Variants in DGKK observed in about 807,000 individuals in gnomAD.
The protein encoded by DGKK is diacylglycerol kinase kappa, also known as 142 kDa diacylglycerol kinase.
A neutral mutation model predicts 92.2 loss-of-function variants in DGKK; 35 were observed. That is an observed-to-expected ratio of 0.38 (90% confidence interval 0.29 to 0.50). DGKK has a LOEUF of 0.50. Ranked by LOEUF, DGKK falls within the 20% of genes least tolerant of loss-of-function variation. The pLI, the probability that DGKK is intolerant of heterozygous loss-of-function variation, is 0.92. For missense variants in DGKK, 910 were observed against 992.2 expected (o/e 0.92, Z 1.11); for synonymous variants, 368 against 360.6 (o/e 1.02, Z -0.23).
intron 18 of DGKK, 131 bp from the exon 19 acceptor site, chrX:50,380,208 C>G: frequency 1.9e-6 from 1 of 514,982 alleles, no homozygotes; most frequent in Non-Finnish European, 3.3e-6. Context: ...TAAATGGCAA[C>G]TGGACAGCGG....
chrX:50,387,958 T>C (rs1924591719), intron 13 of DGKK, among the ~76,000 whole-genome samples: 1 of 112,406 alleles, frequency 8.9e-6, no homozygotes, highest in South Asian at 3.7e-4. Flanking sequence ...TTGGTCCAAC[T>C]TGGGTCAGGT....
chrX:50,433,955 A>G (rs782004837), intron 1 of DGKK, among the ~76,000 whole-genome samples: 19 of 111,522 alleles, frequency 1.7e-4, no homozygotes, highest in African/African-American at 6.2e-4. Flanking sequence ...CATCGCATAA[A>G]AAGTGACAAA....
chrX:50,390,683 A>G (rs12012084), intron 11 of DGKK, among the ~76,000 whole-genome samples: 4,065 of 111,347 alleles, frequency 0.037, 180 homozygotes, highest in African/African-American at 0.13. Context: ...GTAACCATCA[A>G]GATCATCTGA....
chrX:50,370,143 C>T (rs1358779377), intron 27 of DGKK, among the ~76,000 whole-genome samples: 2 of 112,052 alleles, frequency 1.8e-5, no homozygotes, highest in Non-Finnish European at 3.8e-5. Context: ...GTTCCTGACC[C>T]TTAGGAGTGA....
At chrX:50,434,502 T>G (rs1925968433) in intron 1 of DGKK, among the ~76,000 whole-genome samples, 1 of 111,139 alleles carries the variant, frequency 9.0e-6, no homozygotes, top group African/African-American at 3.3e-5. Context: ...GTTATCATGA[T>G]CTGACTTGGG....
intron 1 of DGKK, among the ~76,000 whole-genome samples, chrX:50,424,647 T>C (rs1047764632): frequency 8.9e-6 from 1 of 111,781 alleles, no homozygotes; most frequent in African/African-American, 3.2e-5. Context: ...GACATGAACA[T>C]CATAAATATA....
At chrX:50,389,383 A>G (rs1924628351) in intron 12 of DGKK, among the ~76,000 whole-genome samples, 1 of 111,899 alleles carries the variant, frequency 8.9e-6, no homozygotes. Context: ...CAATTACAAC[A>G]TCTCCTAGCT....
At chrX:50,449,558 G>A (rs1359691632) in intron 1 of DGKK, among the ~76,000 whole-genome samples, 1 of 111,474 alleles carries the variant, frequency 9.0e-6, no homozygotes, top group Non-Finnish European at 1.9e-5. Context: ...AGGAAATAAT[G>A]TAATGGGTCA....
chrX:50,413,010 C>A (rs782180658), intron 4 of DGKK, among the ~76,000 whole-genome samples: 1 of 110,749 alleles, frequency 9.0e-6, no homozygotes, highest in Admixed American at 9.6e-5. Flanking sequence ...TTGTGAACTG[C>A]ACACATGAGG....
chrX:50,383,995 CAATGGTCTT>C (rs1324951316), intron 17 of DGKK, among the ~76,000 whole-genome samples, 164 bp downstream of exon 17: 3 of 112,048 alleles, frequency 2.7e-5, no homozygotes, highest in Non-Finnish European at 5.6e-5. Flanking sequence ...GCAAGTTCTA[CAATGGTCTT>C]CATTTTACAT....
At chrX:50,384,644 A>T in intron 16 of DGKK, 76 bp downstream of exon 16, 1 of 965,443 alleles carries the variant, frequency 1.0e-6, no homozygotes. Context: ...TGCATAAAAA[A>T]TACATATTTA....
At chrX:50,443,481 T>TTA (rs1926214292) in intron 1 of DGKK, among the ~76,000 whole-genome samples, 1 of 110,223 alleles carries the variant, frequency 9.1e-6, no homozygotes, top group Non-Finnish European at 1.9e-5. Flanking sequence ...AAAAATGTTA[T>TTA]TACTGGGGTT....
At chrX:50,447,377 AT>A (rs1569545068) in intron 1 of DGKK, among the ~76,000 whole-genome samples, 564 of 14,146 alleles carry the variant, frequency 0.04, 83 homozygotes, top group African/African-American at 0.21. Flanking sequence ...TATTATATAT[AT>A]ATATAATATA....
At chrX:50,465,294 G>C (rs1448497537) in intron 1 of DGKK, among the ~76,000 whole-genome samples, 1 of 109,799 alleles carries the variant, frequency 9.1e-6, no homozygotes, top group Non-Finnish European at 1.9e-5. Flanking sequence ...TTTCAGAGGA[G>C]AGATAAATTT....
chrX:50,424,211 C>T (rs1196590744), intron 2 of DGKK, 37 bp downstream of exon 2: 3 of 1,151,074 alleles, frequency 2.6e-6, no homozygotes, highest in Admixed American at 2.3e-5. Flanking sequence ...TCCTGGCACC[C>T]ACCCATTAAT....
At chrX:50,421,517 G>A (rs1557229139) in intron 3 of DGKK, among the ~76,000 whole-genome samples, 1 of 111,771 alleles carries the variant, frequency 8.9e-6, no homozygotes. Context: ...CTTTAATTAA[G>A]TTAAGGGGCA....
intron 3 of DGKK, among the ~76,000 whole-genome samples, chrX:50,421,561 G>A (rs1302808339): frequency 1.8e-5 from 2 of 111,577 alleles, no homozygotes; most frequent in Admixed American, 9.5e-5. Flanking sequence ...TTTGTAGAAT[G>A]GAAACCAAAA....
intron 1 of DGKK, among the ~76,000 whole-genome samples, chrX:50,445,881 A>C (rs1451067215): frequency 9.0e-6 from 1 of 111,289 alleles, no homozygotes; most frequent in Non-Finnish European, 1.9e-5. Context: ...CAGTGTGGTC[A>C]TTTTAATGAT....
intron 4 of DGKK, among the ~76,000 whole-genome samples, chrX:50,418,433 C>T (rs1557228777): frequency 9.0e-6 from 1 of 111,258 alleles, no homozygotes. Flanking sequence ...GACTAGTTTC[C>T]AATAGATTAT....
Sources: gnomAD v4.1 joint callset for allele counts (sites outside exome capture counted in the v4.1 genomes callset) on GRCh38, gnomAD v4.1.1 for gene constraint, MANE v1.5 for transcripts, NCBI Gene and HGNC (gene_info 2026-07-23, HGNC 2026-07-21) for gene names.